TTC28: variants seen among roughly 807,000 people sequenced by gnomAD.
TTC28 encodes the protein tetratricopeptide repeat domain 28, also known as tetratricopeptide repeat protein 28.
A neutral mutation model predicts 198.0 loss-of-function variants in TTC28; 61 were observed. The observed-to-expected ratio is 0.31, with a 90% CI of 0.25 to 0.38. The LOEUF is 0.38. TTC28 is among the 10% of genes least tolerant of loss of function. The pLI is 1.00. For missense variants in TTC28, 2,678 were observed against 3,164.0 expected (o/e 0.85, Z 3.69); for synonymous variants, 1,171 against 1,297.8 (o/e 0.90, Z 2.10).
intron 5 of TTC28, among the ~76,000 whole-genome samples, chr22:28,210,638 G>A (rs1926850398): frequency 6.6e-6 from 1 of 152,126 alleles, no homozygotes; most frequent in African/African-American, 2.4e-5. Flanking sequence ...ATGGGACTAT[G>A]AGAAAAGACC....
chr22:28,509,522 C>A (rs181940340), intron 2 of TTC28, among the ~76,000 whole-genome samples: 4 of 152,268 alleles, frequency 2.6e-5, no homozygotes, highest in Admixed American at 2.6e-4. Context: ...CTCTGGGATG[C>A]AGTTAAAGCG....
chr22:28,441,832 T>C (rs2047626404), intron 2 of TTC28, among the ~76,000 whole-genome samples: 1 of 151,256 alleles, frequency 6.6e-6, no homozygotes, highest in South Asian at 2.1e-4. Flanking sequence ...GTTTGCTATG[T>C]TTTCCTTCAG....
chr22:28,203,215 CA>C (rs879359330), intron 5 of TTC28, among the ~76,000 whole-genome samples: 10 of 152,090 alleles, frequency 6.6e-5, no homozygotes, highest in Admixed American at 6.5e-4. Flanking sequence ...TGTAGGCCCT[CA>C]AGCAAGTCAC....
chr22:28,107,972 G>A lies in TTC28; in HGVS notation c.1873C>T (p.Pro625Ser), dbSNP rs1942367158. 4 of 1,551,502 alleles carry A rather than the reference G, an allele frequency of 2.6e-6. No homozygotes were observed. The highest frequency in any genetic ancestry group is 2.0e-5 in the Admixed American group (1 of 50,992). Residue 625 changes from proline to serine, a missense_variant, in exon 7 of 23, where the codon CCC becomes TCC. Coordinates refer to ENST00000397906, the MANE Select transcript of TTC28 (RefSeq NM_001145418.2). ...PYYEQYLRLA[P>S]DLQDMEGEGK... The stretch of plus-strand genomic sequence containing the variant: ...TCTCCTTCCATGTCTTGAAGGTCGG[G>A]AGCAAGCCGGAGGTACTGTTCATAA...
At chr22:28,001,344 C>A in intron 15 of TTC28, 30 bp downstream of exon 15, 1 of 1,529,302 alleles carries the variant, frequency 6.5e-7, no homozygotes, top group Non-Finnish European at 8.9e-7. Context: ...AAACAAGCCC[C>A]CGGCCCCCCA....
intron 2 of TTC28, among the ~76,000 whole-genome samples, chr22:28,557,949 C>T (rs946044801): frequency 6.6e-6 from 1 of 152,174 alleles, no homozygotes; most frequent in Non-Finnish European, 1.5e-5. Flanking sequence ...TAAACATTTA[C>T]CTCCAAGGCT....
At chr22:28,398,295 G>A (rs889053893) in intron 2 of TTC28, among the ~76,000 whole-genome samples, 9 of 151,958 alleles carry the variant, frequency 5.9e-5, no homozygotes, top group African/African-American at 1.9e-4. Context: ...GGGCCAGAGG[G>A]GGCCACTGTG....
intron 13 of TTC28, among the ~76,000 whole-genome samples, chr22:28,018,283 G>A (rs1344628553): frequency 4.4e-5 from 6 of 137,930 alleles, no homozygotes; most frequent in East Asian, 2.1e-4. Context: ...GTGTGTATGT[G>A]TGTGCGCGCG....
chr22:28,280,407 ACCTCCG>A (rs955089620), intron 5 of TTC28, among the ~76,000 whole-genome samples: 57 of 151,924 alleles, frequency 3.8e-4, no homozygotes, highest in Middle Eastern at 3.4e-3. Context: ...GCTCACTGTA[ACCTCCG>A]CCTCCGCCTC....
At chr22:28,328,391 T>C (rs1042737153) in intron 2 of TTC28, among the ~76,000 whole-genome samples, 4 of 151,350 alleles carry the variant, frequency 2.6e-5, no homozygotes, top group African/African-American at 4.9e-5. Flanking sequence ...CAGTAAGCTA[T>C]AATCACACCA....
intron 2 of TTC28, among the ~76,000 whole-genome samples, chr22:28,547,208 G>A (rs942158737): frequency 6.7e-6 from 1 of 150,346 alleles, no homozygotes; most frequent in East Asian, 1.9e-4. Flanking sequence ...GTGTATGTGT[G>A]TGTGTGAGTG....
chr22:28,630,097 T>C (rs1002297198), intron 1 of TTC28, among the ~76,000 whole-genome samples: 1 of 152,076 alleles, frequency 6.6e-6, no homozygotes, highest in Non-Finnish European at 1.5e-5. Flanking sequence ...CCCCTCTCTC[T>C]CTCTTGCTTC....
chr22:28,519,648 T>C (rs2048861568), intron 2 of TTC28, among the ~76,000 whole-genome samples: 1 of 152,170 alleles, frequency 6.6e-6, no homozygotes. Flanking sequence ...TTACCAGACC[T>C]CCCCTTTCCT....
chr22:28,176,653 T>C (rs118011660), intron 5 of TTC28, among the ~76,000 whole-genome samples: 3,687 of 152,292 alleles, frequency 0.024, 65 homozygotes, highest in South Asian at 0.039. Flanking sequence ...AACATAGATA[T>C]GTATCCAAAC....
At chr22:28,102,203 T>C (rs1051358104) in intron 8 of TTC28, among the ~76,000 whole-genome samples, 1 of 152,236 alleles carries the variant, frequency 6.6e-6, no homozygotes, top group Non-Finnish European at 1.5e-5. Context: ...TACGATGTTC[T>C]CCTGAAAGCA....
At chr22:28,248,713 C>A (rs528545714) in intron 5 of TTC28, among the ~76,000 whole-genome samples, 23 of 152,202 alleles carry the variant, frequency 1.5e-4, no homozygotes, top group African/African-American at 4.6e-4. Flanking sequence ...TAGGGCTAAT[C>A]TATGGGGCCA....
intron 22 of TTC28, among the ~76,000 whole-genome samples, chr22:27,984,873 G>A (rs543704617): frequency 3.9e-5 from 6 of 152,288 alleles, no homozygotes; most frequent in African/African-American, 1.2e-4. Flanking sequence ...AACATCAGTC[G>A]GGCTGGGTGT....
chr22:28,579,395 C>A (rs542439979), intron 2 of TTC28, among the ~76,000 whole-genome samples: 1 of 148,512 alleles, frequency 6.7e-6, no homozygotes, highest in Non-Finnish European at 1.5e-5. Context: ...TAGCTATATA[C>A]ATATATAACT....
intron 1 of TTC28, among the ~76,000 whole-genome samples, chr22:28,662,165 G>A (rs2051759705): frequency 6.6e-6 from 1 of 152,178 alleles, no homozygotes; most frequent in Non-Finnish European, 1.5e-5. Flanking sequence ...TGCTTGATCA[G>A]TATTATAGAG....
Sources: allele counts gnomAD v4.1 joint callset (sites outside exome capture counted in the v4.1 genomes callset), GRCh38; gene constraint gnomAD v4.1.1; transcripts MANE v1.5; gene names NCBI Gene and HGNC (gene_info 2026-07-23, HGNC 2026-07-21).